FLT3: variants seen among roughly 807,000 people sequenced by gnomAD.
FLT3 encodes fms related receptor tyrosine kinase 3, also known as receptor-type tyrosine-protein kinase FLT3.
FLT3 carries 46 observed loss-of-function variants against 126.6 expected under a neutral mutation model. That is an observed-to-expected ratio of 0.36 (90% CI 0.29 to 0.46). The LOEUF (loss-of-function observed/expected upper bound fraction) is 0.46, where lower values mean the gene tolerates loss of function less well. FLT3 is among the 20% of genes least tolerant of loss of function. FLT3 has a pLI of 1.00. For missense variants in FLT3, 1,069 were observed against 1,190.3 expected, an observed-to-expected ratio of 0.90 and a Z score of 1.50; for synonymous variants, 404 against 434.4, an observed-to-expected ratio of 0.93 and a Z score of 0.87.
At chr13:28,079,139 A>G (rs1438780351) in intron 1 of FLT3, among the ~76,000 whole-genome samples, 1 of 152,192 alleles carries the variant, frequency 6.6e-6, no homozygotes, top group Admixed American at 6.5e-5. Context: ...CTGCTTAGAA[A>G]TTTCTTCAGC....
At chr13:28,028,714 TAAAC>T (rs1361840496) in intron 15 of FLT3, among the ~76,000 whole-genome samples, 3 of 150,988 alleles carry the variant, frequency 2.0e-5, no homozygotes, top group Admixed American at 6.6e-5. Flanking sequence ...AATAAATAAA[TAAAC>T]AAACAAACAA....
chr13:28,074,509 A>G (rs1057407687), intron 1 of FLT3, among the ~76,000 whole-genome samples: 1 of 152,150 alleles, frequency 6.6e-6, no homozygotes, highest in Non-Finnish European at 1.5e-5. Flanking sequence ...AAGAGGTTAG[A>G]GCTTTTATGT....
At chr13:28,041,508 T>C (rs534586807) in intron 9 of FLT3, among the ~76,000 whole-genome samples, 1 of 152,314 alleles carries the variant, frequency 6.6e-6, no homozygotes, top group African/African-American at 2.4e-5. Flanking sequence ...TTAGAAGAGA[T>C]AGCACTTGAA....
intron 1 of FLT3, among the ~76,000 whole-genome samples, chr13:28,076,027 C>G (rs1006387249): frequency 1.3e-5 from 2 of 152,044 alleles, no homozygotes; most frequent in African/African-American, 4.8e-5. Flanking sequence ...GAACTCCTGA[C>G]TTCAAGTGAT....
At chr13:28,064,443 G>A (rs955953465) in intron 2 of FLT3, among the ~76,000 whole-genome samples, 10 of 151,948 alleles carry the variant, frequency 6.6e-5, no homozygotes, top group African/African-American at 1.9e-4. Flanking sequence ...TGTGGTGGCA[G>A]GCACCTGTAA....
chr13:28,051,199 A>C (rs73439142), intron 5 of FLT3, among the ~76,000 whole-genome samples: 2,739 of 152,276 alleles, frequency 0.018, 80 homozygotes, highest in African/African-American at 0.061. Context: ...CAGGATAATC[A>C]GAAATTAAAC....
intron 1 of FLT3, among the ~76,000 whole-genome samples, chr13:28,077,997 G>A (rs1878075125): frequency 6.6e-6 from 1 of 152,158 alleles, no homozygotes; most frequent in South Asian, 2.1e-4. Context: ...GATGCAAGAG[G>A]TGGATTCCTA....
intron 1 of FLT3, among the ~76,000 whole-genome samples, chr13:28,099,214 C>A (rs1361360410): frequency 6.6e-6 from 1 of 152,054 alleles, no homozygotes; most frequent in Non-Finnish European, 1.5e-5. Context: ...TTAGAAAGCC[C>A]ATTATGCTTC....
chr13:28,048,643 AG>A (rs1875125263), intron 8 of FLT3, among the ~76,000 whole-genome samples, 200 bp from the exon 9 acceptor site: 1 of 152,158 alleles, frequency 6.6e-6, no homozygotes, highest in African/African-American at 2.4e-5. Flanking sequence ...CATCTTTCGA[AG>A]TTAAGAAATG....
intron 3 of FLT3, among the ~76,000 whole-genome samples, chr13:28,058,899 T>C (rs1876282171): frequency 6.6e-6 from 1 of 152,206 alleles, no homozygotes; most frequent in East Asian, 1.9e-4. Flanking sequence ...TCGCAGAAGT[T>C]TGGGAGGCGA....
At position 28,062,074 on chromosome 13, in the gene FLT3, G is replaced by T; in HGVS notation, c.166-5C>A. On this transcript the variant is annotated splice_region_variant and splice_polypyrimidine_tract_variant and intron_variant, in intron 2 of 23. Coordinates refer to ENST00000241453, the MANE Select transcript of FLT3 (RefSeq NM_004119.3). ...GTCTTCCGGGGATTCTGATACCTAC[G>T]TTGCAGATAGAACAAAGTGAATTCA... 1 of 1,609,710 alleles carries T rather than the reference G, an allele frequency of 6.2e-7. No individual in the cohort carries two copies. The highest frequency in any genetic ancestry group is 8.5e-7 in the Non-Finnish European group (1 of 1,178,084).
At chr13:28,011,509 C>A (rs894912071) in intron 23 of FLT3, among the ~76,000 whole-genome samples, 1 of 128,270 alleles carries the variant, frequency 7.8e-6, no homozygotes, top group African/African-American at 3.7e-5. Flanking sequence ...TTGTGCCTTG[C>A]ACCAAACAAA....
intron 2 of FLT3, chr13:28,067,933 G>C (rs1877176733): frequency 2.7e-6 from 1 of 373,270 alleles, no homozygotes; most frequent in Admixed American, 3.0e-5. Flanking sequence ...TGAAATATGA[G>C]GTCATGATTG....
rs146541422 is a variant in FLT3 at position 28,014,314 on chromosome 13, C to T, written c.2859+138G>A. On this transcript the variant is annotated intron_variant, in intron 23 of 23. Coordinates refer to ENST00000241453, the MANE Select transcript of FLT3 (RefSeq NM_004119.3). ...CAAATAAATAAAGTCTTACCCCACACAACTTTGAAAGGGCAACCCAGAAAA... is the reference window on the plus strand; with the variant it reads ...CAAATAAATAAAGTCTTACCCCACATAACTTTGAAAGGGCAACCCAGAAAA... The T allele has an allele frequency of 1.1e-3, 706 of 628,046 alleles. 3 individuals carry two copies. The African/African-American group carries it at 0.012, about 10-fold the overall frequency. 38.9% of individuals were successfully genotyped at this position (628,046 alleles called of 1,614,324 possible). A position where few individuals can be genotyped will look rare whatever the true frequency, so the allele number is the denominator to read the frequency against.
intron 1 of FLT3, among the ~76,000 whole-genome samples, chr13:28,081,883 G>GTCT (rs1460445642): frequency 8.7e-5 from 8 of 91,854 alleles, no homozygotes; most frequent in Non-Finnish European, 1.6e-4. Flanking sequence ...GTGAGACACA[G>GTCT]TCTTGCTCTG....
In FLT3 at chr13:28,077,097, A is replaced by G. The variant is rs9579153; in HGVS notation, c.44-6485T>C. On this transcript the variant is annotated intron_variant, in intron 1 of 23. Transcript: ENST00000241453. ...AAAGAAAGAAAGAAAGAAAAAGAGA[A>G]AAAGAAAGAGAGAGAGAAAGAAAGA... Among the ~76,000 whole-genome samples the G allele has an allele frequency of 9.1e-3, 1,373 of 150,174 alleles. 17 individuals are homozygous for G. The highest frequency in any genetic ancestry group is 0.032 in the African/African-American group (1,290 of 40,836).
At chr13:28,091,347 G>A (rs200466483) in intron 1 of FLT3, among the ~76,000 whole-genome samples, 137 of 142,044 alleles carry the variant, frequency 9.6e-4, no homozygotes, top group Admixed American at 2.2e-3. Context: ...TCAGCCTCCC[G>A]AGTAGCTGGG....
Position 28,049,791 on chromosome 13 carries a change from TCCC to T in FLT3, c.743-20_743-18del, listed in dbSNP as rs1593261245. 6.3e-7 allele frequency: 1 copy of T among 1,596,480 alleles called. No individual in the cohort carries two copies. Among genetic ancestry groups the T allele is most frequent in the Non-Finnish European group, 8.5e-7 (1 of 1,172,630 alleles). Reference sequence around the variant, plus strand: ...GATTTAGATCTAGGAGATGAAAACATCCCAAGTGAGAAAAAAAAAGTGATTTTT... The same window carrying T: ...GATTTAGATCTAGGAGATGAAAACATAAGTGAGAAAAAAAAAGTGATTTTT... On this transcript the variant is annotated intron_variant, in intron 6 of 23. Coordinates refer to ENST00000241453, the MANE Select transcript of FLT3 (RefSeq NM_004119.3).
intron 18 of FLT3, 50 bp from the exon 19 acceptor site, chr13:28,023,527 C>T (rs1281570634): frequency 6.2e-7 from 1 of 1,601,420 alleles, no homozygotes; most frequent in Non-Finnish European, 8.5e-7. Context: ...AAGAAGTTGC[C>T]TTATTAAATC....
Sources: allele counts gnomAD v4.1 joint callset (sites outside exome capture counted in the v4.1 genomes callset), GRCh38; gene constraint gnomAD v4.1.1; transcripts MANE v1.5; gene names NCBI Gene and HGNC (gene_info 2026-07-23, HGNC 2026-07-21).